The following DPYD variants were observed in gnomAD, a reference collection of about 807,000 sequenced individuals.
DPYD encodes the protein dihydropyrimidine dehydrogenase [NADP(+)].
A neutral mutation model predicts 116.2 loss-of-function variants in DPYD; 109 were observed. That is an observed-to-expected ratio of 0.94 (90% CI 0.80 to 1.10). DPYD has a LOEUF of 1.10. Ranked by LOEUF, DPYD falls within the 50% of genes least tolerant of loss-of-function variation. DPYD has a pLI of 0.00. For missense variants in DPYD, 1,302 were observed against 1,254.5 expected (o/e 1.04, Z -0.57); for synonymous variants, 440 against 432.0 (o/e 1.02, Z -0.23).
chr1:97,509,969 AT>A (rs1449499238), intron 13 of DPYD, among the ~76,000 whole-genome samples: 1 of 151,974 alleles, frequency 6.6e-6, no homozygotes, highest in Non-Finnish European at 1.5e-5. Flanking sequence ...TGATATCACC[AT>A]GAGTTAGGAT....
intron 7 of DPYD, among the ~76,000 whole-genome samples, chr1:97,688,846 A>G (rs1042988625): frequency 6.6e-6 from 1 of 151,976 alleles, no homozygotes; most frequent in African/African-American, 2.4e-5. Context: ...AGAAATAAAC[A>G]TGATGCCAAA....
At chr1:97,680,217 T>C (rs545025586) in intron 7 of DPYD, among the ~76,000 whole-genome samples, 3 of 152,168 alleles carry the variant, frequency 2.0e-5, no homozygotes, top group Admixed American at 6.6e-5. Flanking sequence ...ATAAAAGCTA[T>C]CATAGTTGGG....
chr1:97,174,746 T>C (rs903768612), intron 20 of DPYD, among the ~76,000 whole-genome samples: 6 of 152,188 alleles, frequency 3.9e-5, no homozygotes, highest in African/African-American at 1.4e-4. Context: ...CAGAGTGAGT[T>C]TGCATTTCTT....
intron 18 of DPYD, among the ~76,000 whole-genome samples, chr1:97,267,590 C>T (rs915248490): frequency 7.9e-5 from 12 of 152,024 alleles, no homozygotes; most frequent in African/African-American, 2.4e-4. Flanking sequence ...CAGCCTCAAG[C>T]GCTTTTATAA....
At chr1:97,094,581 G>A (rs1012789952) in intron 21 of DPYD, among the ~76,000 whole-genome samples, 2 of 152,196 alleles carry the variant, frequency 1.3e-5, no homozygotes, top group East Asian at 3.9e-4. Flanking sequence ...TGAGACAGAG[G>A]ACTCAGGAGG....
At chr1:97,442,366 A>G (rs901201170) in intron 14 of DPYD, among the ~76,000 whole-genome samples, 4 of 149,196 alleles carry the variant, frequency 2.7e-5, no homozygotes, top group African/African-American at 9.9e-5. Context: ...TCCATCTAGG[A>G]TGCACTAACA....
intron 19 of DPYD, among the ~76,000 whole-genome samples, chr1:97,230,971 T>A (rs1250081960): frequency 6.6e-6 from 1 of 152,152 alleles, no homozygotes; most frequent in East Asian, 1.9e-4. Flanking sequence ...TGATTTTCCA[T>A]CTAAGAGGAG....
intron 7 of DPYD, among the ~76,000 whole-genome samples, chr1:97,689,069 T>C (rs925875742): frequency 1.4e-5 from 2 of 142,158 alleles, no homozygotes; most frequent in Non-Finnish European, 3.1e-5. Context: ...ATTATACCTC[T>C]TTTTTTTTTT....
At position 97,880,123 on chromosome 1, in the gene DPYD, T is replaced by C. The variant is rs532788416; in HGVS notation, c.150+3141A>G. 4.6e-5 allele frequency among the ~76,000 whole-genome samples: 7 copies of C among 151,736 alleles called. No individual in the cohort carries two copies. In the South Asian group the frequency reaches 1.2e-3, roughly 27 times the overall value. On this transcript the variant is annotated intron_variant, in intron 2 of 22. Transcript: ENST00000370192. ...TATAAAGGAATCTTCAATCTAAAGATAGTATTAAAAGTAAGGAGATAACGA... is the reference window on the plus strand; with the variant it reads ...TATAAAGGAATCTTCAATCTAAAGACAGTATTAAAAGTAAGGAGATAACGA...
intron 4 of DPYD, among the ~76,000 whole-genome samples, chr1:97,727,382 A>T (rs1663325474): frequency 6.6e-6 from 1 of 151,824 alleles, no homozygotes. Context: ...TATTTGAAAA[A>T]TATGCATGAA....
At chr1:97,574,702 G>T (rs1653147001) in intron 10 of DPYD, among the ~76,000 whole-genome samples, 1 of 151,962 alleles carries the variant, frequency 6.6e-6, no homozygotes, top group Non-Finnish European at 1.5e-5. Flanking sequence ...TTACTCATTT[G>T]CTTATTTTTC....
chr1:97,471,474 AGTAGAG>A (rs1217045827), intron 13 of DPYD, among the ~76,000 whole-genome samples: 5 of 152,204 alleles, frequency 3.3e-5, no homozygotes, highest in African/African-American at 1.2e-4. Flanking sequence ...AGATAGAGAC[AGTAGAG>A]TTTATCAGCT....
At position 97,166,380 on chromosome 1, in the gene DPYD, A is replaced by G. The variant is rs143390696; in HGVS notation, c.2622+26689T>C. On this transcript the variant is annotated intron_variant, in intron 20 of 22. Coordinates refer to ENST00000370192, the MANE Select transcript of DPYD (RefSeq NM_000110.4). ...AGCTAAAGAATGAGAACACAGGAAC[A>G]CAAAGAAGGGAACAGACACACTGGG... Among the ~76,000 whole-genome samples, 263 of 152,210 alleles carry G rather than the reference A, an allele frequency of 1.7e-3. 3 individuals carry two copies. Among genetic ancestry groups the G allele is most frequent in the African/African-American group, 6.0e-3 (251 of 41,536 alleles).
At chr1:97,472,379 G>A (rs1677713855) in intron 13 of DPYD, among the ~76,000 whole-genome samples, 1 of 152,152 alleles carries the variant, frequency 6.6e-6, no homozygotes, top group African/African-American at 2.4e-5. Context: ...TCTCCCCTAT[G>A]CACATCACTT....
intron 7 of DPYD, among the ~76,000 whole-genome samples, chr1:97,689,527 G>A (rs1660902012): frequency 6.6e-6 from 1 of 152,046 alleles, no homozygotes; most frequent in South Asian, 2.1e-4. Flanking sequence ...GCTAGGTCAT[G>A]AAAGTCAAAA....
chr1:97,658,070 A>T (rs1659041917), intron 8 of DPYD, among the ~76,000 whole-genome samples: 1 of 152,192 alleles, frequency 6.6e-6, no homozygotes, highest in Admixed American at 6.5e-5. Flanking sequence ...TATTCTACAG[A>T]TAGTACCTAC....
At chr1:97,867,745 C>G (rs1304145916) in intron 2 of DPYD, among the ~76,000 whole-genome samples, 1 of 151,766 alleles carries the variant, frequency 6.6e-6, no homozygotes, top group Admixed American at 6.6e-5. Flanking sequence ...AGCCATGTAT[C>G]ACAAGCTCAC....
chr1:97,567,942 T>TA (rs1652645292), intron 11 of DPYD, among the ~76,000 whole-genome samples: 1 of 152,244 alleles, frequency 6.6e-6, no homozygotes, highest in South Asian at 2.1e-4. Flanking sequence ...TACGTATGTA[T>TA]ACACGTGCCA....
intron 7 of DPYD, among the ~76,000 whole-genome samples, chr1:97,680,782 G>A (rs1557879365): frequency 6.6e-6 from 1 of 152,114 alleles, no homozygotes; most frequent in African/African-American, 2.4e-5. Context: ...ACTCCAGTGG[G>A]TGGAAGATGA....
Sources: gnomAD v4.1 joint callset for allele counts (sites outside exome capture counted in the v4.1 genomes callset) on GRCh38, gnomAD v4.1.1 for gene constraint, MANE v1.5 for transcripts, NCBI Gene and HGNC (gene_info 2026-07-23, HGNC 2026-07-21) for gene names.